The following KCNIP3 variants were observed in gnomAD, a reference collection of about 807,000 sequenced individuals.
KCNIP3 encodes potassium voltage-gated channel interacting protein 3.
Under a neutral mutation model 35.0 loss-of-function variants are expected in KCNIP3, and 28 were observed. The observed-to-expected ratio is 0.80, with a 90% CI of 0.59 to 1.10. The LOEUF is 1.10. Ranked by LOEUF, KCNIP3 falls within the 50% of genes least tolerant of loss-of-function variation. KCNIP3 has a pLI of 0.00. For missense variants in KCNIP3, 295 were observed against 338.4 expected (o/e 0.87, Z 1.01); for synonymous variants, 134 against 133.8 (o/e 1.00, Z -0.01).
intron 2 of KCNIP3, chr2:95,313,984 T>C (rs930920253): frequency 2.0e-5 from 3 of 150,818 alleles, no homozygotes; most frequent in Non-Finnish European, 4.4e-5. Context: ...CACACACACA[T>C]GAGCACACAC....
intron 2 of KCNIP3, among the ~76,000 whole-genome samples, chr2:95,328,065 G>C (rs1678837057): frequency 6.6e-6 from 1 of 152,246 alleles, no homozygotes; most frequent in Non-Finnish European, 1.5e-5. Flanking sequence ...CAGGGGAAGA[G>C]AGCAGGGGCA....
At chr2:95,298,299 C>G (rs1328470370) in intron 1 of KCNIP3, among the ~76,000 whole-genome samples, 1 of 152,170 alleles carries the variant, frequency 6.6e-6, no homozygotes, top group East Asian at 1.9e-4. Context: ...GTTTCTCTCT[C>G]ATGCAGAAGT....
At chr2:95,350,782 C>T (rs760950185) in intron 2 of KCNIP3, among the ~76,000 whole-genome samples, 10 of 152,194 alleles carry the variant, frequency 6.6e-5, no homozygotes, top group Non-Finnish European at 1.2e-4. Flanking sequence ...AAAAAATACC[C>T]GCTGTGCCCA....
chr2:95,341,990 T>C (rs1679205631), intron 2 of KCNIP3, among the ~76,000 whole-genome samples: 1 of 151,912 alleles, frequency 6.6e-6, no homozygotes, highest in Non-Finnish European at 1.5e-5. Context: ...TCTAGGAAGG[T>C]GACTCTGCGG....
At chr2:95,316,028 C>T (rs998363471) in intron 2 of KCNIP3, among the ~76,000 whole-genome samples, 1 of 152,238 alleles carries the variant, frequency 6.6e-6, no homozygotes, top group Non-Finnish European at 1.5e-5. Context: ...GTCTCTCTCA[C>T]CATCAGGCGC....
chr2:95,297,992 C>T (rs1677919061), intron 1 of KCNIP3, among the ~76,000 whole-genome samples: 1 of 152,292 alleles, frequency 6.6e-6, no homozygotes, highest in Non-Finnish European at 1.5e-5. Context: ...GCTAGGAGCC[C>T]CTAACAAGAG....
intron 2 of KCNIP3, among the ~76,000 whole-genome samples, chr2:95,327,082 T>C (rs887230047): frequency 2.0e-5 from 3 of 152,192 alleles, no homozygotes; most frequent in Non-Finnish European, 4.4e-5. Context: ...AGGCTGACTG[T>C]TCACTAGACC....
intron 2 of KCNIP3, among the ~76,000 whole-genome samples, chr2:95,345,436 C>A (rs938405860): frequency 3.3e-5 from 5 of 152,270 alleles, no homozygotes; most frequent in African/African-American, 1.2e-4. Flanking sequence ...GCTCCCACCC[C>A]ACCCAGGCAG....
chr2:95,327,450 C>T (rs1484078352), intron 2 of KCNIP3, among the ~76,000 whole-genome samples: 15 of 152,142 alleles, frequency 9.9e-5, no homozygotes, highest in African/African-American at 2.7e-4. Flanking sequence ...CACCCACACA[C>T]GCACAGTCAC....
At chr2:95,349,093 C>G (rs954932894) in intron 2 of KCNIP3, among the ~76,000 whole-genome samples, 6 of 152,234 alleles carry the variant, frequency 3.9e-5, no homozygotes, top group Admixed American at 3.9e-4. Context: ...AGACACCCCC[C>G]CCCGCCCCCC....
Position 95,383,303 on chromosome 2 carries a change from C to A in KCNIP3, c.723+9C>A. On this transcript the variant is annotated intron_variant, in intron 8 of 8. Transcript: ENST00000295225. The stretch of plus-strand genomic sequence containing the variant: ...TGGAGGCCTGTCAGAAGGTAGGTGG[C>A]ACGGGAGGCTGGGCCACAGTTCTCT... 1 of 1,613,062 alleles carries A rather than the reference C, an allele frequency of 6.2e-7. No individual in the cohort carries two copies. Among genetic ancestry groups the A allele is most frequent in the Non-Finnish European group, 8.5e-7 (1 of 1,179,536 alleles).
chr2:95,300,161 G>A (rs980487756), intron 1 of KCNIP3, among the ~76,000 whole-genome samples: 10 of 152,196 alleles, frequency 6.6e-5, no homozygotes, highest in African/African-American at 1.2e-4. Flanking sequence ...CCGTGCGGCC[G>A]GTGGTCTGTT....
At chr2:95,354,171 C>T (rs1679596290) in intron 2 of KCNIP3, among the ~76,000 whole-genome samples, 1 of 152,230 alleles carries the variant, frequency 6.6e-6, no homozygotes, top group Non-Finnish European at 1.5e-5. Context: ...TGCCCTCTCC[C>T]TGCCCCCTCA....
At chr2:95,322,002 C>A (rs945635589) in intron 2 of KCNIP3, among the ~76,000 whole-genome samples, 2 of 152,146 alleles carry the variant, frequency 1.3e-5, no homozygotes, top group African/African-American at 2.4e-5. Flanking sequence ...CCACTCATAG[C>A]TCTGTGTGAA....
Position 95,367,251 on chromosome 2 carries a change from C to T in KCNIP3, c.182-7045C>T, listed in dbSNP as rs549888835. ...TCATGCCACTGCACTCCAGCCTGGG[C>T]GACGGAGCCAAACTCTGTCTTAAAA... On this transcript the variant is annotated intron_variant, in intron 2 of 8. Coordinates refer to ENST00000295225, the MANE Select transcript of KCNIP3 (RefSeq NM_013434.5). 1.6e-4 allele frequency among the ~76,000 whole-genome samples: 24 copies of T among 151,878 alleles called. No homozygotes were observed. The East Asian group carries it at 2.5e-3, about 16-fold the overall frequency.
intron 2 of KCNIP3, chr2:95,347,045 G>T (rs750550260): frequency 6.2e-7 from 1 of 1,611,118 alleles, no homozygotes. Flanking sequence ...ATGGAGCTGT[G>T]CGCCATGGCC....
At chr2:95,362,402 G>A (rs550298747) in intron 2 of KCNIP3, among the ~76,000 whole-genome samples, 22 of 152,106 alleles carry the variant, frequency 1.4e-4, no homozygotes, top group South Asian at 8.3e-4. Context: ...CACCACACCC[G>A]GCCTCTCTTA....
At chr2:95,383,153 G>A (rs1680391021) in intron 7 of KCNIP3, 79 bp from the exon 8 acceptor site, 3 of 636,828 alleles carry the variant, frequency 4.7e-6, no homozygotes, top group Non-Finnish European at 8.0e-6. Flanking sequence ...ACCCACCCAT[G>A]ACTTCTGCGT....
In KCNIP3 at chr2:95,382,049, C is replaced by T. The variant is rs2104308567; in HGVS notation, c.556-328C>T. Among the ~76,000 whole-genome samples the T allele has an allele frequency of 6.6e-6, 1 of 152,342 alleles. No homozygotes were observed. Among genetic ancestry groups the T allele is most frequent in the East Asian group, 1.9e-4 (1 of 5,180 alleles). ...TCAAGTGAAGGGGGCAGTGCGGTCC[C>T]TTAAGGCATGGGTGGAGAGGGGAGC... On this transcript the variant is annotated intron_variant, in intron 6 of 8. Transcript: ENST00000295225. The surrounding 1 kb of genome is among the most constrained non-coding windows in gnomAD (Gnocchi z 4.5).
Sources: allele counts gnomAD v4.1 joint callset (sites outside exome capture counted in the v4.1 genomes callset), GRCh38; gene constraint gnomAD v4.1.1; non-coding constraint Gnocchi (gnomAD v3.1); transcripts MANE v1.5; gene names NCBI Gene and HGNC (gene_info 2026-07-23, HGNC 2026-07-21).